Variants in OR6J1 observed in about 807,000 individuals in gnomAD.
The protein encoded by OR6J1 is olfactory receptor 6J1.
For missense variants in OR6J1, 304 were observed against 166.8 expected, an observed-to-expected ratio of 1.82 and a Z score of -4.53; for synonymous variants, 109 against 70.0, an observed-to-expected ratio of 1.56 and a Z score of -2.78.
Position 22,634,828 on chromosome 14 carries a change from G to A in OR6J1, c.-17C>T, listed in dbSNP as rs769309290. 1.5e-6 allele frequency: 1 copy of A among 662,086 alleles called. No homozygotes were observed. The highest frequency in any genetic ancestry group is 2.7e-6 in the Non-Finnish European group (1 of 366,056). 41.0% of individuals were successfully genotyped at this position (662,086 alleles called of 1,614,324 possible). ...GTTACCCATGGGCCTGGTGGGCCTG[G>A]CTCAATTCTCCTAACAGAACAAAGG... On this transcript the variant is annotated 5_prime_UTR_variant, in exon 2 of 2. Transcript: ENST00000540461.
Position 22,639,712 on chromosome 14 carries a change from T to G in OR6J1, c.-28+4386A>C, listed in dbSNP as rs542626453. 6.5e-3 allele frequency among the ~76,000 whole-genome samples: 806 copies of G among 124,658 alleles called. 79 individuals are homozygous for G. Among genetic ancestry groups the G allele is most frequent in the Non-Finnish European group, 8.6e-3 (529 of 61,730 alleles). 81.8% of individuals were successfully genotyped at this position (124,658 alleles called of 152,430 possible). A position where few individuals can be genotyped will look rare whatever the true frequency, so the allele number is the denominator to read the frequency against. On this transcript the variant is annotated intron_variant, in intron 1 of 1. Coordinates refer to ENST00000540461, the MANE Select transcript of OR6J1 (RefSeq NM_001348233.2). ...CCAACCCGGTGCTCTCTGAAACATG[T>G]GCTGTGTCCACTCAGGGTTAAATGG...
At chr14:22,643,258 G>A (rs112702861) in intron 1 of OR6J1, among the ~76,000 whole-genome samples, 2,351 of 150,678 alleles carry the variant, frequency 0.016, 61 homozygotes, top group African/African-American at 0.054. Context: ...GTGAGCCACC[G>A]TGCCTAGCCT....
rs547162647 is a variant in OR6J1 at position 22,643,609 on chromosome 14, C to T, written c.-28+489G>A. Among the ~76,000 whole-genome samples, 5 of 151,860 alleles carry T rather than the reference C, an allele frequency of 3.3e-5. No individual in the cohort carries two copies. The East Asian group carries it at 9.7e-4, about 29-fold the overall frequency. On this transcript the variant is annotated intron_variant, in intron 1 of 1. Transcript: ENST00000540461. The stretch of plus-strand genomic sequence containing the variant: ...ACTTACTATAATATTTGTAAAGGTT[C>T]ATCTATGTTATAGCATGGATCATTG...
chr14:22,639,201 G>A (rs1363657617), intron 1 of OR6J1, among the ~76,000 whole-genome samples: 2 of 119,982 alleles, frequency 1.7e-5, no homozygotes, highest in Non-Finnish European at 3.3e-5. Flanking sequence ...GAGCGTCTCC[G>A]CCCGGCAGCC....
In OR6J1 at chr14:22,634,399, G is replaced by T. The variant is rs45470397; in HGVS notation, c.413C>A (p.Ser138Tyr). 21,966 of 703,456 alleles carry T rather than the reference G, an allele frequency of 0.031. 442 individuals carry two copies. The highest frequency in any genetic ancestry group is 0.042 in the Non-Finnish European group (16,114 of 384,976). The allele number at this position is 703,456 out of a possible 1,614,324, so 43.6% of individuals were successfully genotyped here. A position where few individuals can be genotyped will look rare whatever the true frequency, so the allele number is the denominator to read the frequency against. Reference protein sequence around the residue: ...PLRYTTIMRPSVCIGTVVFSW... With the variant: ...PLRYTTIMRPYVCIGTVVFSW... ...GAATACAACGGTCCCAATGCAGACA[G>T]AAGGTCTCATGATGGTGGTGTACCG... The change falls in exon 2 of 2, where the codon TCT becomes TAT. Residue 138 changes from serine to tyrosine, a missense_variant. By Grantham distance (144) the Ser-to-Tyr change is moderately radical. Coordinates refer to ENST00000540461, the MANE Select transcript of OR6J1 (RefSeq NM_001348233.2).
chr14:22,635,927 T>C (rs2037580340), intron 1 of OR6J1, among the ~76,000 whole-genome samples: 1 of 151,886 alleles, frequency 6.6e-6, no homozygotes, highest in Non-Finnish European at 1.5e-5. Context: ...GAAAAGAAAA[T>C]ATTAATAAAT....
chr14:22,637,748 C>A (rs1250260396), intron 1 of OR6J1, among the ~76,000 whole-genome samples: 1 of 78,310 alleles, frequency 1.3e-5, no homozygotes, highest in Admixed American at 9.7e-5. Context: ...GATCAGCCCC[C>A]CGCCTGGCCA....
At position 22,633,949 on chromosome 14, in the gene OR6J1, A is replaced by G. The variant is rs766257866; in HGVS notation, c.863T>C (p.Ile288Thr). 19 of 702,942 alleles carry G rather than the reference A, an allele frequency of 2.7e-5. No individual in the cohort carries two copies. In the South Asian group the frequency reaches 2.8e-4, roughly 10 times the overall value. 43.5% of individuals were successfully genotyped at this position (702,942 alleles called of 1,614,324 possible). ...CACTGTGTCATTCCTCAGAGTATAT[A>G]TAAAGGGGTTGAGGAATGGAGTCAC... ...SVVTPFLNPF[I>T]YTLRNDTVQG... Residue 288 changes from isoleucine (I) to threonine (T), a missense_variant, in exon 2 of 2, where the codon ATA becomes ACA. Physicochemically the swap from Ile to Thr is moderately conservative, Grantham distance 89 (BLOSUM62 -1). Transcript: ENST00000540461.
chr14:22,636,260 C>G (rs2037583978), intron 1 of OR6J1, among the ~76,000 whole-genome samples: 1 of 16 alleles, frequency 0.062, no homozygotes, highest in Non-Finnish European at 0.083. Context: ...CCCTCTCCCT[C>G]TCCCTCTCCC....
Position 22,631,331 on chromosome 14 carries a change from T to C in OR6J1, c.*2437A>G, listed in dbSNP as rs2037544259. ...TTTGACCCCTACAGTCTACAGACCATAAAAGACGGGCACGCCCAGGGGGGC... is the reference window on the plus strand; with the variant it reads ...TTTGACCCCTACAGTCTACAGACCACAAAAGACGGGCACGCCCAGGGGGGC... On this transcript the variant is annotated 3_prime_UTR_variant, in exon 2 of 2. Transcript: ENST00000540461. The C allele has an allele frequency of 6.6e-6, 1 of 152,160 alleles. No individual in the cohort carries two copies. Among genetic ancestry groups the C allele is most frequent in the Non-Finnish European group, 1.5e-5 (1 of 68,020 alleles). 9.4% of individuals were successfully genotyped at this position (152,160 alleles called of 1,614,324 possible).
rs77086961 is a variant in OR6J1, at chr14:22,633,381, G to C, written c.*387C>G. The C allele has an allele frequency of 3.7e-3, 655 of 177,828 alleles. 3 individuals carry two copies. The highest frequency in any genetic ancestry group is 0.015 in the African/African-American group (629 of 42,248). 11.0% of individuals were successfully genotyped at this position (177,828 alleles called of 1,614,324 possible). ...GAATAATGAAGGTTATTTCTAAAAA[G>C]ATCCTGCAGAGGATGGAAAGAAAGA... On this transcript the variant is annotated 3_prime_UTR_variant, in exon 2 of 2. Transcript: ENST00000540461.
chr14:22,637,717 C>T (rs1461027454), intron 1 of OR6J1, among the ~76,000 whole-genome samples: 3 of 81,874 alleles, frequency 3.7e-5, no homozygotes, highest in Admixed American at 9.8e-5. Flanking sequence ...CCAGCCGCCC[C>T]GTCCGGGAGG....
At chr14:22,636,650 G>C (rs1371033015) in intron 1 of OR6J1, among the ~76,000 whole-genome samples, 2 of 114,174 alleles carry the variant, frequency 1.8e-5, no homozygotes, top group South Asian at 5.1e-4. Context: ...TCCTAGCCAC[G>C]AGTGATCCGC....
chr14:22,638,030 G>T (rs2037608337), intron 1 of OR6J1, among the ~76,000 whole-genome samples: 3 of 107,436 alleles, frequency 2.8e-5, no homozygotes, highest in East Asian at 2.4e-4. Flanking sequence ...GAGGATGGTG[G>T]GGGGGTCAGC....
At chr14:22,640,304 G>GGA (rs2037635642) in intron 1 of OR6J1, among the ~76,000 whole-genome samples, 1 of 24,278 alleles carries the variant, frequency 4.1e-5, no homozygotes, top group Non-Finnish European at 1.6e-4. Flanking sequence ...GAAGGGAGGG[G>GGA]AGGAGAGGGG....
intron 1 of OR6J1, among the ~76,000 whole-genome samples, chr14:22,637,211 T>C (rs1238413699): frequency 8.9e-5 from 7 of 78,638 alleles, no homozygotes; most frequent in African/African-American, 4.5e-4. Context: ...AGCCCCTCCG[T>C]CCGGCAGCCA....
At chr14:22,636,222 A>G (rs1594901561) in intron 1 of OR6J1, among the ~76,000 whole-genome samples, 1 of 95,220 alleles carries the variant, frequency 1.1e-5, no homozygotes, top group Non-Finnish European at 2.1e-5. Context: ...TTAAGACACT[A>G]GCGCCCTCTC....
chr14:22,643,764 C>CACAGAGAG (rs1466950724), intron 1 of OR6J1, among the ~76,000 whole-genome samples: 164 of 37,672 alleles, frequency 4.4e-3, no homozygotes, highest in East Asian at 0.02. Flanking sequence ...CACACACACA[C>CACAGAGAG]AGAGAGAGAG....
In OR6J1 at chr14:22,642,312, A is replaced by AATATATATATATATAT. The variant is rs71421135; in HGVS notation, c.-28+1770_-28+1785dup. Among the ~76,000 whole-genome samples, 429 of 109,026 alleles carry AATATATATATATATAT rather than the reference A, an allele frequency of 3.9e-3. 10 individuals are homozygous for AATATATATATATATAT. Among genetic ancestry groups the AATATATATATATATAT allele is most frequent in the African/African-American group, 7.1e-3 (173 of 24,368 alleles). The allele number at this position is 109,026 out of a possible 152,430, so 71.5% of individuals were successfully genotyped here. On this transcript the variant is annotated intron_variant, in intron 1 of 1. Transcript: ENST00000540461. ...TGTCCATCACCACAATCAACTTAAG[A>AATATATATATATATAT]ATATATATATATATATATATATATA...
Sources: allele counts gnomAD v4.1 joint callset (sites outside exome capture counted in the v4.1 genomes callset), GRCh38; gene constraint gnomAD v4.1.1; transcripts MANE v1.5; gene names NCBI Gene and HGNC (gene_info 2026-07-23, HGNC 2026-07-21).